Variants in ZNF320 observed in about 807,000 individuals in gnomAD.
ZNF320 encodes the protein zinc finger protein 320.
A neutral mutation model predicts 6.8 loss-of-function variants in ZNF320; 2 were observed. The observed-to-expected ratio is 0.29, with a 90% CI of 0.12 to 0.93. ZNF320 has a LOEUF of 0.93. Among genes scored for constraint, ZNF320 ranks in the 40% least tolerant of loss-of-function variants. The pLI is 0.55. For synonymous variants in ZNF320, 208 were observed against 203.2 expected, an observed-to-expected ratio of 1.02 and a Z score of -0.20; for missense variants, 472 against 611.0, an observed-to-expected ratio of 0.77 and a Z score of 2.40.
chr19:52,891,386 A>C (rs2064285857), intron 2 of ZNF320, 40 bp from the exon 3 acceptor site: 1 of 151,310 alleles, frequency 6.6e-6, no homozygotes, highest in Non-Finnish European at 1.5e-5. Flanking sequence ...TTCTGATGTG[A>C]TAGAGATAAT....
chr19:52,881,660 T>C lies in ZNF320; in HGVS notation c.466A>G (p.Thr156Ala). 1 of 1,614,020 alleles carries C rather than the reference T, an allele frequency of 6.2e-7. No homozygotes were observed. ...LHLRRHRRIHTGEKPYKCEEC... is the reference protein window; with the variant it reads ...LHLRRHRRIHAGEKPYKCEEC... ...TCACATTTGTAAGGTTTCTCTCCAG[T>C]ATGAATTCTCCTATGTCTTCGCAAA... Residue 156 changes from threonine (T) to alanine (A), a missense_variant, in exon 6 of 6, where the codon ACT becomes GCT. Coordinates refer to ENST00000682928, the MANE Select transcript of ZNF320 (RefSeq NM_001351774.2).
chr19:52,884,967 G>A (rs2064030150), intron 5 of ZNF320, among the ~76,000 whole-genome samples: 1 of 152,054 alleles, frequency 6.6e-6, no homozygotes, highest in Admixed American at 6.6e-5. Flanking sequence ...GGAGGATGAG[G>A]TGGGAGATTC....
intron 5 of ZNF320, among the ~76,000 whole-genome samples, chr19:52,868,967 G>A (rs1037935249): frequency 6.6e-5 from 10 of 152,096 alleles, no homozygotes; most frequent in Admixed American, 5.2e-4. Flanking sequence ...GGAAATTGGG[G>A]TGTTCACTTT....
intron 5 of ZNF320, among the ~76,000 whole-genome samples, chr19:52,882,802 A>T (rs1440548135): frequency 6.6e-6 from 1 of 152,054 alleles, no homozygotes; most frequent in Middle Eastern, 3.2e-3. Flanking sequence ...GTAGCCGGGC[A>T]TGGTCATGGG....
intron 5 of ZNF320, among the ~76,000 whole-genome samples, chr19:52,866,869 C>CAAAAAAAAAA (rs58231328): frequency 3.3e-3 from 361 of 108,812 alleles, no homozygotes; most frequent in East Asian, 5.4e-3. Flanking sequence ...ACAAAACATA[C>CAAAAAAAAAA]AAAAAAAAAA....
chr19:52,874,110 A>G (rs1275476431), downstream of ZNF320: 1 of 309,600 alleles, frequency 3.2e-6, no homozygotes, highest in East Asian at 9.1e-5. Context: ...ATGTTTAGAA[A>G]TCACTCCCTC....
chr19:52,892,755 CT>C (rs367605341), intron 2 of ZNF320, among the ~76,000 whole-genome samples: 3,568 of 151,408 alleles, frequency 0.024, 84 homozygotes, highest in African/African-American at 0.064. Context: ...CTTGTTATAC[CT>C]CCCTGGCCCC....
chr19:52,883,822 C>T, intron 5 of ZNF320: 1 of 316,688 alleles, frequency 3.2e-6, no homozygotes. Flanking sequence ...TCATTTGAAC[C>T]CAGGAGGCGG....
At chr19:52,890,356 A>G (rs1352614569) in intron 3 of ZNF320, 28 bp from the exon 4 acceptor site, 9 of 1,485,006 alleles carry the variant, frequency 6.1e-6, no homozygotes, top group Non-Finnish European at 7.3e-6. Context: ...GTTGTTTATC[A>G]CTGAGAATCA....
intron 5 of ZNF320, among the ~76,000 whole-genome samples, chr19:52,866,014 T>TATA (rs573057257): frequency 9.7e-6 from 1 of 103,178 alleles, no homozygotes; most frequent in Non-Finnish European, 1.9e-5. Flanking sequence ...TATATTTATA[T>TATA]ATTATACATA....
chr19:52,882,168 A>C (rs1335504265), intron 5 of ZNF320, among the ~76,000 whole-genome samples, 185 bp from the exon 6 acceptor site: 1 of 152,232 alleles, frequency 6.6e-6, no homozygotes, highest in Non-Finnish European at 1.5e-5. Context: ...TGTACTTCAA[A>C]TCATTTTTAC....
intron 5 of ZNF320, among the ~76,000 whole-genome samples, chr19:52,865,893 TTA>T (rs1394307150): frequency 2.6e-4 from 23 of 89,652 alleles, no homozygotes; most frequent in South Asian, 1.7e-3. Flanking sequence ...ATACATATAT[TTA>T]TATATATGAT....
chr19:52,865,585 T>G (rs1318025587), intron 5 of ZNF320, among the ~76,000 whole-genome samples: 1 of 130,838 alleles, frequency 7.6e-6, no homozygotes, highest in East Asian at 2.1e-4. Flanking sequence ...ATTTATATGA[T>G]TATACATATA....
rs1157641086 is a variant in ZNF320, at chr19:52,880,982, C to T, written c.1144G>A (p.Glu382Lys). The change falls in exon 6 of 6, where the codon GAG becomes AAG. Residue 382 changes from glutamate (E) to lysine (K), a missense_variant. Transcript: ENST00000682928. The part of the protein sequence containing the change: ...LAEHQRVHTG[E>K]RPYTCNECGK... ...CATTCATTACATGTGTAAGGTCTCT[C>T]TCCAGTATGAACTCTCTGATGTTCT... 6.2e-7 allele frequency: 1 copy of T among 1,614,078 alleles called. No homozygotes were observed. The highest frequency in any genetic ancestry group is 8.5e-7 in the Non-Finnish European group (1 of 1,180,010).
Position 52,865,480 on chromosome 19 carries a change from A to AT in ZNF320, c.224-1322dup, listed in dbSNP as rs1170263456. The AT allele has an allele frequency of 1.2e-4, 14 of 118,340 alleles. 1 individual carries two copies. Among genetic ancestry groups the AT allele is most frequent in the African/African-American group, 3.6e-4 (11 of 30,402 alleles). The allele number at this position is 118,340 out of a possible 1,614,324, so 7.3% of individuals were successfully genotyped here. A position where few individuals can be genotyped will look rare whatever the true frequency, so the allele number is the denominator to read the frequency against. ...ATACATATATATATATTACATATATATATAATACATATATATTATACATAT... is the reference window on the plus strand; with the variant it reads ...ATACATATATATATATTACATATATATTATAATACATATATATTATACATAT... On this transcript the variant is annotated intron_variant, in intron 5 of 5. Coordinates refer to the ZNF320 transcript ENST00000673631.
chr19:52,870,159 A>C (rs973745676), intron 5 of ZNF320, among the ~76,000 whole-genome samples: 2 of 152,116 alleles, frequency 1.3e-5, no homozygotes, highest in South Asian at 4.1e-4. Context: ...CTATTAACTC[A>C]TTATTGTGAT....
At chr19:52,874,949 G>A (rs1383851810), downstream of ZNF320, among the ~76,000 whole-genome samples, 1 of 152,152 alleles carries the variant, frequency 6.6e-6, no homozygotes, top group East Asian at 1.9e-4. Context: ...AGCAGAGGGA[G>A]CGAGGAGGAC....
chr19:52,864,411 A>C (rs1180073781), intron 5 of ZNF320, among the ~76,000 whole-genome samples: 1 of 152,174 alleles, frequency 6.6e-6, no homozygotes, highest in Non-Finnish European at 1.5e-5. Flanking sequence ...AATACGTTAG[A>C]TATTATGTTC....
At chr19:52,870,884 A>G (rs1041845274) in intron 5 of ZNF320, among the ~76,000 whole-genome samples, 1 of 152,246 alleles carries the variant, frequency 6.6e-6, no homozygotes, top group East Asian at 1.9e-4. Context: ...ATGGTGGCTC[A>G]GGCCTGTAAT....
Sources: allele counts gnomAD v4.1 joint callset (sites outside exome capture counted in the v4.1 genomes callset), GRCh38; gene constraint gnomAD v4.1.1; transcripts MANE v1.5; gene names NCBI Gene and HGNC (gene_info 2026-07-23, HGNC 2026-07-21).